The following ZNF318 variants were observed in gnomAD, a reference collection of about 807,000 sequenced individuals.
ZNF318 encodes the protein zinc finger protein 318.
In ZNF318, 51 loss-of-function variants were observed where a neutral mutation model predicts 124.2. The observed-to-expected ratio is 0.41, with a 90% CI of 0.33 to 0.52. The LOEUF (loss-of-function observed/expected upper bound fraction) is 0.52, where lower values mean the gene tolerates loss of function less well. ZNF318 is among the 20% of genes least tolerant of loss of function. The pLI, the probability that ZNF318 is intolerant of heterozygous loss-of-function variation, is 0.23. For synonymous variants in ZNF318, 1,090 were observed against 1,040.7 expected (o/e 1.05, Z -0.91); for missense variants, 2,815 against 2,811.2 (o/e 1.00, Z -0.03).
In ZNF318 at chr6:43,338,556, T is replaced by A. The variant is rs1228256574; in HGVS notation, c.5442A>T (p.Gly1814=). The A allele has an allele frequency of 6.8e-6, 11 of 1,614,112 alleles. No homozygotes were observed. Among genetic ancestry groups the A allele is most frequent in the Non-Finnish European group, 9.3e-6 (11 of 1,180,056 alleles). Residue 1814 remains glycine (G), a synonymous_variant, in exon 10 of 10, where the codon GGA becomes GGT. Transcript: ENST00000361428. ...CTTCTCCCTCCCACATGTATCTGTTTCCATGGTTCAAATTAGAATCATCTA... is the reference window on the plus strand; with the variant it reads ...CTTCTCCCTCCCACATGTATCTGTTACCATGGTTCAAATTAGAATCATCTA... The part of the protein sequence containing the change: ...HSIDDSNLNH[G]NRYMWEGEVK...
intron 2 of ZNF318, among the ~76,000 whole-genome samples, chr6:43,362,822 G>C (rs913055142): frequency 2.6e-5 from 4 of 152,080 alleles, no homozygotes; most frequent in Non-Finnish European, 4.4e-5. Flanking sequence ...TACATACAAA[G>C]GATATAAATG....
In ZNF318 at chr6:43,355,768, T is replaced by A. The variant is rs943571010; in HGVS notation, c.1566A>T (p.Glu522Asp). 1 of 1,614,118 alleles carries A rather than the reference T, an allele frequency of 6.2e-7. No individual in the cohort carries two copies. The highest frequency in any genetic ancestry group is 1.3e-5 in the African/African-American group (1 of 74,950). The change falls in exon 4 of 10, where the codon GAA becomes GAT. Residue 522 changes from glutamate (E) to aspartate (D), a missense_variant. By Grantham distance (45) the Glu-to-Asp change is conservative. Coordinates refer to ENST00000361428, the MANE Select transcript of ZNF318 (RefSeq NM_014345.3). ...TGTCGGGAAAGCTACGTCGCCTTTT[T>A]TCCTGTGTACTGGTAGAATCAGCCA... is the stretch of plus-strand genomic sequence containing the variant. ...SMLADSTSTQEKRRRSFPDIE... is the reference protein window; with the variant it reads ...SMLADSTSTQDKRRRSFPDIE...
Position 43,337,031 on chromosome 6 carries a change from C to A in ZNF318, c.*127G>T. 1.1e-6 allele frequency: 1 copy of A among 893,828 alleles called. No individual in the cohort carries two copies. Among genetic ancestry groups the A allele is most frequent in the Non-Finnish European group, 1.6e-6 (1 of 643,314 alleles). The allele number at this position is 893,828 out of a possible 1,614,324, so 55.4% of individuals were successfully genotyped here. A position where few individuals can be genotyped will look rare whatever the true frequency, so the allele number is the denominator to read the frequency against. On this transcript the variant is annotated 3_prime_UTR_variant, in exon 10 of 10. Coordinates refer to ENST00000361428, the MANE Select transcript of ZNF318 (RefSeq NM_014345.3). Reference sequence around the variant, plus strand: ...ATTTTTTAGCTTCCATGAACATTTACTTTAAGATGCTGACTGCATCTCTTG... The same window carrying A: ...ATTTTTTAGCTTCCATGAACATTTAATTTAAGATGCTGACTGCATCTCTTG...
intron 2 of ZNF318, chr6:43,363,754 A>C (rs1471788377): frequency 1.1e-5 from 7 of 629,296 alleles, no homozygotes; most frequent in Non-Finnish European, 2.0e-5. Flanking sequence ...GCCAGTGCAG[A>C]AGCAGACCCA....
At position 43,336,458 on chromosome 6, in the gene ZNF318, T is replaced by C. The variant is rs1052252357; in HGVS notation, c.*700A>G. ...TTACCGATTTGTCGTCTTCTAAAAGTAAGCCTGCCAGATATTCTTCCATGT... is the reference window on the plus strand; with the variant it reads ...TTACCGATTTGTCGTCTTCTAAAAGCAAGCCTGCCAGATATTCTTCCATGT... On this transcript the variant is annotated 3_prime_UTR_variant, in exon 10 of 10. Coordinates refer to ENST00000361428, the MANE Select transcript of ZNF318 (RefSeq NM_014345.3). 1 of 152,232 alleles carries C rather than the reference T, an allele frequency of 6.6e-6. No homozygotes were observed. Among genetic ancestry groups the C allele is most frequent in the Non-Finnish European group, 1.5e-5 (1 of 68,050 alleles). The allele number at this position is 152,232 out of a possible 1,614,324, so 9.4% of individuals were successfully genotyped here.
At position 43,338,624 on chromosome 6, in the gene ZNF318, T is replaced by A; in HGVS notation, c.5374A>T (p.Ile1792Leu). The A allele has an allele frequency of 6.2e-7, 1 of 1,614,160 alleles. No individual in the cohort carries two copies. The highest frequency in any genetic ancestry group is 8.5e-7 in the Non-Finnish European group (1 of 1,180,022). Residue 1792 changes from isoleucine to leucine, a missense_variant, in exon 10 of 10, where the codon ATA (isoleucine) becomes TTA (leucine). Ile to Leu is a conservative substitution (Grantham distance 5, BLOSUM62 2). Around this residue, in one of 4 missense-constraint regions of ZNF318, gnomAD observed 927 missense variants for 820.6 expected, o/e 1.13. Coordinates refer to ENST00000361428, the MANE Select transcript of ZNF318 (RefSeq NM_014345.3). The part of the protein sequence containing the change: ...KERVKELSEG[I>L]VDEGVSTSIG... The stretch of plus-strand genomic sequence containing the variant: ...CTGGTACTTACTCCCTCATCAACTA[T>A]CCCCTCAGACAGCTCCTTTACCCTT...
Position 43,365,437 on chromosome 6 carries a change from G to A in ZNF318, c.403C>T (p.Arg135Cys), listed in dbSNP as rs765702606. The A allele has an allele frequency of 1.9e-5, 30 of 1,613,118 alleles. No individual in the cohort carries two copies. Among genetic ancestry groups the A allele is most frequent in the South Asian group, 9.9e-5 (9 of 91,046 alleles). ...DHPGDSGSRR[R>C]SPGLCSDSLE... ...GAGTCAGAACACAGACCAGGAGAGC[G>A]TCTCTACAAAAGTAAAGGATAATAT... Residue 135 changes from arginine to cysteine, a missense_variant, in exon 2 of 10, where the codon CGC becomes TGC. Arg to Cys is a radical substitution (Grantham distance 180, BLOSUM62 -3). Transcript: ENST00000361428.
Position 43,342,097 on chromosome 6 carries a change from A to T in ZNF318, c.3376+15T>A. Reference sequence around the variant, plus strand: ...AATGTAAGGAAACCACAAAGGTGGCAAAAAGGAAACATACCTTTTGCAGGA... The same window carrying T: ...AATGTAAGGAAACCACAAAGGTGGCTAAAAGGAAACATACCTTTTGCAGGA... On this transcript the variant is annotated intron_variant, in intron 8 of 9. Transcript: ENST00000361428. 1 of 1,612,624 alleles carries T rather than the reference A, an allele frequency of 6.2e-7. No homozygotes were observed. Among genetic ancestry groups the T allele is most frequent in the Middle Eastern group, 1.7e-4 (1 of 6,056 alleles).
rs1447329626 is a variant in ZNF318 at position 43,355,365 on chromosome 6, A to G, written c.1969T>C (p.Cys657Arg). The change falls in exon 4 of 10, where the codon TGT (cysteine) becomes CGT (arginine). Residue 657 changes from cysteine (C) to arginine (R), a missense_variant. By Grantham distance (180) the Cys-to-Arg change is radical. Around this residue, in one of 4 missense-constraint regions of ZNF318, gnomAD observed 1,377 missense variants for 1,353.5 expected, o/e 1.02. Coordinates refer to ENST00000361428, the MANE Select transcript of ZNF318 (RefSeq NM_014345.3). ...SVDHRFSADR[C>R]SSVDHCFSAD... ...GAGAAGCAGTGGTCAACTGAGGAAC[A>G]GCGGTCAGCTGAGAAGCGGTGGTCA... 1 of 1,614,024 alleles carries G rather than the reference A, an allele frequency of 6.2e-7. No individual in the cohort carries two copies. The highest frequency in any genetic ancestry group is 2.2e-5 in the East Asian group (1 of 44,896).
rs571497660 is a variant in ZNF318, at chr6:43,336,247, G to C, written c.*911C>G. 1 of 152,694 alleles carries C rather than the reference G, an allele frequency of 6.5e-6. No individual in the cohort carries two copies. The highest frequency in any genetic ancestry group is 1.9e-4 in the East Asian group (1 of 5,192). The allele number at this position is 152,694 out of a possible 1,614,324, so 9.5% of individuals were successfully genotyped here. ...AGGAAAGGATACATATGGGTTTGTG[G>C]AACAGGGAATGAGTTCAATCTCAAG... is the stretch of plus-strand genomic sequence containing the variant. On this transcript the variant is annotated 3_prime_UTR_variant, in exon 10 of 10. Transcript: ENST00000361428.
At position 43,369,463 on chromosome 6, in the gene ZNF318, G is replaced by C. The variant is rs1476258223; in HGVS notation, c.-98C>G. The C allele has an allele frequency of 9.9e-7, 1 of 1,008,208 alleles. No individual in the cohort carries two copies. The highest frequency in any genetic ancestry group is 1.2e-6 in the Non-Finnish European group (1 of 817,636). The allele number at this position is 1,008,208 out of a possible 1,614,324, so 62.5% of individuals were successfully genotyped here. ...CCGCAGCTGCAGCCGCCGCCACCTC[G>C]GCCGCTGCGCGCCGCCTCAGCCGCG... is the stretch of plus-strand genomic sequence containing the variant. On this transcript the variant is annotated 5_prime_UTR_variant, in exon 1 of 10. Coordinates refer to ENST00000361428, the MANE Select transcript of ZNF318 (RefSeq NM_014345.3).
intron 5 of ZNF318, among the ~76,000 whole-genome samples, chr6:43,351,539 T>C (rs747851951): frequency 2.0e-5 from 3 of 152,010 alleles, no homozygotes; most frequent in East Asian, 1.9e-4. Context: ...GGAAGGAGGA[T>C]TGCTTGAGGC....
At chr6:43,361,274 T>C in intron 2 of ZNF318, among the ~76,000 whole-genome samples, 1 of 152,138 alleles carries the variant, frequency 6.6e-6, no homozygotes. Flanking sequence ...GAGAAGAAAT[T>C]AGGCGATAAG....
Position 43,355,999 on chromosome 6 carries a change from T to G in ZNF318, c.1335A>C (p.Glu445Asp), listed in dbSNP as rs1181788964. 6.2e-7 allele frequency: 1 copy of G among 1,614,110 alleles called. No homozygotes were observed. The highest frequency in any genetic ancestry group is 2.2e-5 in the East Asian group (1 of 44,886). Residue 445 changes from glutamate (E) to aspartate (D), a missense_variant, in exon 4 of 10, where the codon GAA becomes GAC. By Grantham distance (45) the Glu-to-Asp change is conservative. Coordinates refer to ENST00000361428, the MANE Select transcript of ZNF318 (RefSeq NM_014345.3). ...CCCATTGGTAGAGGTTGCCCTGAGG[T>G]TCCTTCAAGGCAGTCTCTACCATAG... Reference protein sequence around the residue: ...KGTMVETALKEPQGNLYQWGP... With the variant: ...KGTMVETALKDPQGNLYQWGP...
At chr6:43,352,761 G>A (rs1779547432) in intron 4 of ZNF318, among the ~76,000 whole-genome samples, 1 of 152,186 alleles carries the variant, frequency 6.6e-6, no homozygotes, top group Non-Finnish European at 1.5e-5. Context: ...AAGTTCCAAA[G>A]GGAACCATAG....
chr6:43,340,822 CA>C lies in ZNF318; in HGVS notation c.3462del (p.His1154GlnfsTer2). On this transcript the variant is annotated frameshift_variant, in exon 9 of 10. Transcript: ENST00000361428. LOFTEE classifies it high-confidence loss of function. ...FLGDPISGEQ[H>X]VKGHQHNEKY... ...TTCTCATTGTGTTGGTGACCCTTCA[CA>C]TGTTGCTCCCCAGAAATTGGATCCC... 6.2e-7 allele frequency: 1 copy of C among 1,614,132 alleles called. No homozygotes were observed. Among genetic ancestry groups the C allele is most frequent in the Non-Finnish European group, 8.5e-7 (1 of 1,179,962 alleles).
chr6:43,364,637 G>T (rs1779735472), intron 2 of ZNF318, among the ~76,000 whole-genome samples: 1 of 152,180 alleles, frequency 6.6e-6, no homozygotes, highest in Non-Finnish European at 1.5e-5. Flanking sequence ...TTTGACTTTT[G>T]TGAGGTGAAA....
At chr6:43,363,631 G>C (rs1375011051) in intron 2 of ZNF318, 1 of 474,132 alleles carries the variant, frequency 2.1e-6, no homozygotes, top group African/African-American at 2.0e-5. Flanking sequence ...CTTGGTTAAG[G>C]ACATAAAGAT....
rs200799590 is a variant in ZNF318 at position 43,356,161 on chromosome 6, C to T, written c.1189-16G>A. 11 of 1,602,874 alleles carry T rather than the reference C, an allele frequency of 6.9e-6. No individual in the cohort carries two copies. Among genetic ancestry groups the T allele is most frequent in the Non-Finnish European group, 2.6e-6 (3 of 1,176,076 alleles). ...AACTCTCAAGCTGCAAAGACAAACA[C>T]AACTGATTTAGTCTTATGCAGAATC... On this transcript the variant is annotated splice_polypyrimidine_tract_variant and intron_variant, in intron 3 of 9. Coordinates refer to ENST00000361428, the MANE Select transcript of ZNF318 (RefSeq NM_014345.3).
Sources: gnomAD v4.1 joint callset for allele counts (sites outside exome capture counted in the v4.1 genomes callset) on GRCh38, gnomAD v4.1.1 for gene constraint, gnomAD v4.1.1 regional missense constraint, MANE v1.5 for transcripts, NCBI Gene and HGNC (gene_info 2026-07-23, HGNC 2026-07-21) for gene names.